Variants in GOLGA5 observed in about 807,000 individuals in gnomAD.
GOLGA5 encodes golgin subfamily A member 5.
GOLGA5 carries 50 observed loss-of-function variants against 93.5 expected under a neutral mutation model. The observed-to-expected ratio is 0.53, with a 90% confidence interval of 0.43 to 0.68. The LOEUF (loss-of-function observed/expected upper bound fraction) is 0.68, where lower values mean the gene tolerates loss of function less well. GOLGA5 is among the 30% of genes least tolerant of loss of function. GOLGA5 has a pLI of 0.00. For synonymous variants in GOLGA5, 312 were observed against 304.5 expected, an observed-to-expected ratio of 1.02 and a Z score of -0.26; for missense variants, 760 against 856.4, an observed-to-expected ratio of 0.89 and a Z score of 1.40.
At chr14:92,806,626 T>C (rs1013008972) in intron 2 of GOLGA5, 110 bp from the exon 3 acceptor site, 2 of 737,244 alleles carry the variant, frequency 2.7e-6, no homozygotes, top group Non-Finnish European at 4.7e-6. Flanking sequence ...AATTTACTTT[T>C]TATGGTGTTT....
chr14:92,816,495 C>A, intron 7 of GOLGA5, 74 bp downstream of exon 7: 2 of 1,236,426 alleles, frequency 1.6e-6, no homozygotes, highest in Non-Finnish European at 2.3e-6. Flanking sequence ...GGTGGGGAAA[C>A]AGCATTACTA....
chr14:92,804,708 T>C (rs1884946313), intron 2 of GOLGA5, among the ~76,000 whole-genome samples: 1 of 144,820 alleles, frequency 6.9e-6, no homozygotes, highest in East Asian at 2.0e-4. Flanking sequence ...CAGGCTGGAG[T>C]GCAGTGGTGC....
chr14:92,800,854 G>A (rs1884856450), intron 2 of GOLGA5, among the ~76,000 whole-genome samples: 1 of 152,198 alleles, frequency 6.6e-6, no homozygotes, highest in African/African-American at 2.4e-5. Context: ...AGAAAGAATG[G>A]ACCTAAAGGG....
At chr14:92,837,482 A>G in intron 12 of GOLGA5, 33 bp downstream of exon 12, 1 of 900,934 alleles carries the variant, frequency 1.1e-6, no homozygotes, top group Non-Finnish European at 1.8e-6. Flanking sequence ...ACAATGATGC[A>G]CTTGATTTTT....
rs773395214 is a variant in GOLGA5, at chr14:92,837,361, C to T, written c.2052-25C>T. 95 of 1,221,720 alleles carry T rather than the reference C, an allele frequency of 7.8e-5. 1 individual carries two copies. In the South Asian group the frequency reaches 8.0e-4, roughly 10 times the overall value. 75.7% of individuals were successfully genotyped at this position (1,221,720 alleles called of 1,614,324 possible). On this transcript the variant is annotated intron_variant, in intron 11 of 12. Coordinates refer to ENST00000163416, the MANE Select transcript of GOLGA5 (RefSeq NM_005113.4). ...TGACTGTGACTCTTCTCTCTCCTCT[C>T]CCCCTCACACCTGTGTCTGCACAGT... is the stretch of plus-strand genomic sequence containing the variant.
At chr14:92,838,672 CAAGTTTTT>C (rs1885697165) in intron 12 of GOLGA5, among the ~76,000 whole-genome samples, 1 of 152,060 alleles carries the variant, frequency 6.6e-6, no homozygotes, top group Admixed American at 6.6e-5. Flanking sequence ...GGCATAATAA[CAAGTTTTT>C]AAGAAGGAAA....
At chr14:92,796,327 G>T (rs1238150232) in intron 1 of GOLGA5, among the ~76,000 whole-genome samples, 1 of 152,230 alleles carries the variant, frequency 6.6e-6, no homozygotes, top group African/African-American at 2.4e-5. Context: ...AAGTACCACA[G>T]ATTGATTGGC....
intron 9 of GOLGA5, among the ~76,000 whole-genome samples, chr14:92,832,023 A>G (rs148584825): frequency 3.2e-3 from 484 of 152,298 alleles, no homozygotes; most frequent in Middle Eastern, 0.014. Context: ...GTAGACAATG[A>G]TTCTTGCCCT....
chr14:92,820,207 C>T (rs542452924), intron 8 of GOLGA5, among the ~76,000 whole-genome samples: 2 of 152,258 alleles, frequency 1.3e-5, no homozygotes, highest in East Asian at 1.9e-4. Flanking sequence ...AGTAGGAGAG[C>T]AGGGCGATAG....
At chr14:92,811,471 A>G (rs536029459) in intron 5 of GOLGA5, 80 bp from the exon 6 acceptor site, 3 of 986,772 alleles carry the variant, frequency 3.0e-6, no homozygotes, top group African/African-American at 1.6e-5. Flanking sequence ...TAAATCCCAT[A>G]AGATATCCGA....
intron 1 of GOLGA5, among the ~76,000 whole-genome samples, chr14:92,795,416 AAGT>A (rs775872418): frequency 1.3e-5 from 2 of 151,534 alleles, no homozygotes; most frequent in East Asian, 3.8e-4. Context: ...CAAGGGTTAA[AAGT>A]AGGTTTGGCA....
At chr14:92,799,429 A>T in intron 2 of GOLGA5, among the ~76,000 whole-genome samples, 1 of 144,308 alleles carries the variant, frequency 6.9e-6, no homozygotes. Flanking sequence ...GGCGCCTGCC[A>T]TCACGCCTGG....
Position 92,809,331 on chromosome 14 carries a change from G to C in GOLGA5, c.804G>C (p.Lys268Asn), listed in dbSNP as rs1168971513. ...ELNKARARVE[K>N]WNADHSKSDR... ...ACAAAGCAAGAGCAAGAGTTGAAAA[G>C]TGGAATGCTGACCATTCAAAGAGTG... is the stretch of plus-strand genomic sequence containing the variant. The change falls in exon 4 of 13, where the codon AAG becomes AAC. Residue 268 changes from lysine to asparagine, a missense_variant. Transcript: ENST00000163416. 1 of 1,613,058 alleles carries C rather than the reference G, an allele frequency of 6.2e-7. No homozygotes were observed. Among genetic ancestry groups the C allele is most frequent in the Admixed American group, 1.7e-5 (1 of 60,022 alleles).
chr14:92,838,742 T>C (rs1041596026), intron 12 of GOLGA5, among the ~76,000 whole-genome samples: 2 of 152,158 alleles, frequency 1.3e-5, no homozygotes, highest in Admixed American at 1.3e-4. Flanking sequence ...ATTCAGAATA[T>C]GCCCCAGAGG....
At chr14:92,808,569 C>T (rs1483155210) in intron 3 of GOLGA5, among the ~76,000 whole-genome samples, 1 of 151,786 alleles carries the variant, frequency 6.6e-6, no homozygotes, top group Non-Finnish European at 1.5e-5. Context: ...TTGCTTGAGC[C>T]CAGGAGTTGG....
chr14:92,825,982 A>G (rs1265309969), intron 9 of GOLGA5, among the ~76,000 whole-genome samples: 3 of 151,756 alleles, frequency 2.0e-5, no homozygotes, highest in African/African-American at 7.3e-5. Flanking sequence ...TAGCGAGACC[A>G]TCATCTCTAA....
At chr14:92,821,334 T>C (rs1172671719) in intron 8 of GOLGA5, among the ~76,000 whole-genome samples, 2 of 152,228 alleles carry the variant, frequency 1.3e-5, no homozygotes, top group Non-Finnish European at 2.9e-5. Flanking sequence ...TGTTTAAAAT[T>C]ATATTTCATT....
At chr14:92,800,657 T>C (rs934842030) in intron 2 of GOLGA5, among the ~76,000 whole-genome samples, 9 of 152,236 alleles carry the variant, frequency 5.9e-5, no homozygotes, top group Non-Finnish European at 1.3e-4. Context: ...CCAGGCTTCC[T>C]GAATCGTTAT....
intron 6 of GOLGA5, among the ~76,000 whole-genome samples, chr14:92,812,716 C>G (rs1885127578): frequency 6.6e-6 from 1 of 152,170 alleles, no homozygotes; most frequent in Non-Finnish European, 1.5e-5. Context: ...TTCCTTGGAA[C>G]TCCTGCCTTC....
Sources: allele counts gnomAD v4.1 joint callset (sites outside exome capture counted in the v4.1 genomes callset), GRCh38; gene constraint gnomAD v4.1.1; transcripts MANE v1.5; gene names NCBI Gene and HGNC (gene_info 2026-07-23, HGNC 2026-07-21).